Variants in PTCHD4 observed in about 807,000 individuals in gnomAD.
The protein encoded by PTCHD4 is patched domain-containing protein 4.
In PTCHD4, 33 loss-of-function variants were observed where a neutral mutation model predicts 58.1. The ratio of observed to expected loss-of-function variants is 0.57; its 90% CI spans 0.43 to 0.76. PTCHD4 has a LOEUF of 0.76. Ranked by LOEUF, PTCHD4 falls within the 30% of genes least tolerant of loss-of-function variation. The pLI is 0.00. For missense variants in PTCHD4, 1,058 were observed against 1,027.1 expected (o/e 1.03, Z -0.41); for synonymous variants, 478 against 409.6 (o/e 1.17, Z -2.02).
At chr6:48,035,294 C>T (rs1191218088) in intron 3 of PTCHD4, among the ~76,000 whole-genome samples, 2 of 151,998 alleles carry the variant, frequency 1.3e-5, no homozygotes, top group African/African-American at 2.4e-5. Flanking sequence ...AGTTGGGTCA[C>T]TCTGAATTGG....
chr6:48,085,548 T>C (rs931862074), intron 1 of PTCHD4, among the ~76,000 whole-genome samples: 1 of 152,236 alleles, frequency 6.6e-6, no homozygotes. Context: ...TAGCTGACTA[T>C]TGATATACTC....
chr6:47,947,322 C>T (rs1766461697), intron 4 of PTCHD4, among the ~76,000 whole-genome samples: 1 of 152,104 alleles, frequency 6.6e-6, no homozygotes, highest in Non-Finnish European at 1.5e-5. Flanking sequence ...CACATTTACC[C>T]TATCATTAGA....
At chr6:47,939,611 T>C (rs1766133548) in intron 4 of PTCHD4, among the ~76,000 whole-genome samples, 1 of 152,144 alleles carries the variant, frequency 6.6e-6, no homozygotes, top group South Asian at 2.1e-4. Flanking sequence ...TTTCTGTATC[T>C]ATCCTTTGTG....
intron 3 of PTCHD4, among the ~76,000 whole-genome samples, chr6:48,052,745 G>A (rs934760140): frequency 7.2e-5 from 11 of 151,968 alleles, no homozygotes; most frequent in Non-Finnish European, 1.6e-4. Context: ...GGTGATAATG[G>A]GGTACTAAAT....
At chr6:48,049,467 T>C (rs964413488) in intron 3 of PTCHD4, among the ~76,000 whole-genome samples, 5 of 151,976 alleles carry the variant, frequency 3.3e-5, no homozygotes, top group African/African-American at 1.2e-4. Context: ...ATGTGTTTAA[T>C]GAGGATAAAA....
chr6:47,997,331 T>C (rs539204179), intron 4 of PTCHD4, among the ~76,000 whole-genome samples: 6 of 152,310 alleles, frequency 3.9e-5, no homozygotes, highest in Admixed American at 3.3e-4. Flanking sequence ...TTTTCCTTCA[T>C]TACTTGGCTT....
chr6:47,916,700 G>A lies in PTCHD4; in HGVS notation c.899-36764C>T, dbSNP rs187221738. Among the ~76,000 whole-genome samples the A allele has an allele frequency of 4.0e-3, 606 of 151,830 alleles. 2 individuals carry two copies. The highest frequency in any genetic ancestry group is 6.3e-3 in the Non-Finnish European group (428 of 67,898). ...ACATATACTCTAAGGTGTTAGAACC[G>A]GAGGAATATACCATGCTTCCTCCTA... On this transcript the variant is annotated intron_variant, in intron 4 of 4. Transcript: ENST00000339488.
intron 3 of PTCHD4, among the ~76,000 whole-genome samples, chr6:48,055,053 T>C (rs1432482198): frequency 2.0e-5 from 3 of 152,172 alleles, no homozygotes; most frequent in East Asian, 3.9e-4. Context: ...ATTTGATTCA[T>C]AGATTTGTCT....
intron 4 of PTCHD4, among the ~76,000 whole-genome samples, chr6:47,892,673 A>C (rs1393506076): frequency 1.3e-5 from 2 of 152,284 alleles, no homozygotes; most frequent in East Asian, 3.8e-4. Flanking sequence ...CTTACTTTGC[A>C]AACTTAGATT....
At chr6:47,900,971 G>T (rs908295122) in intron 4 of PTCHD4, 3 of 151,568 alleles carry the variant, frequency 2.0e-5, no homozygotes, top group African/African-American at 7.3e-5. Flanking sequence ...TGGCTAACAA[G>T]GTGAAACCCC....
chr6:48,008,148 T>C (rs575001205), intron 4 of PTCHD4, among the ~76,000 whole-genome samples: 1 of 152,192 alleles, frequency 6.6e-6, no homozygotes, highest in Non-Finnish European at 1.5e-5. Context: ...TGGAGTATAC[T>C]CTGTGCAGAA....
At chr6:47,952,963 C>T (rs541059736) in intron 4 of PTCHD4, among the ~76,000 whole-genome samples, 8 of 152,058 alleles carry the variant, frequency 5.3e-5, no homozygotes, top group African/African-American at 1.9e-4. Flanking sequence ...CATATACATA[C>T]ATGCACATAT....
In PTCHD4 at chr6:47,860,695, T is replaced by C. The variant is rs772850542; in HGVS notation, c.*17608A>G. ...TGTTACCTAGCAGGGTCAGGGCTAT[T>C]AGTGGAGCAGAAATTATAAACATTT... On this transcript the variant is annotated 3_prime_UTR_variant, in exon 5 of 5. Transcript: ENST00000339488. Among the ~76,000 whole-genome samples, 2 of 151,946 alleles carry C rather than the reference T, an allele frequency of 1.3e-5. No individual in the cohort carries two copies. Among genetic ancestry groups the C allele is most frequent in the Non-Finnish European group, 2.9e-5 (2 of 67,932 alleles).
At chr6:48,006,157 C>T (rs967680540) in intron 4 of PTCHD4, among the ~76,000 whole-genome samples, 5 of 152,132 alleles carry the variant, frequency 3.3e-5, no homozygotes, top group Non-Finnish European at 7.4e-5. Context: ...TCAGAGGGAC[C>T]ATTAAGCAGT....
chr6:48,068,422 G>A lies in PTCHD4; in HGVS notation c.225C>T (p.His75=). 1 of 1,613,980 alleles carries A rather than the reference G, an allele frequency of 6.2e-7. No homozygotes were observed. Among genetic ancestry groups the A allele is most frequent in the Non-Finnish European group, 8.5e-7 (1 of 1,179,886 alleles). Residue 75 remains histidine (H), a synonymous_variant, in exon 3 of 5, where the codon CAC becomes CAT. Transcript: ENST00000339488. The surrounding 1 kb of genome is among the most constrained non-coding windows in gnomAD (Gnocchi z 4.2). ...GDLERLVAPS[H]SLAKIERSLA... ...GGCTGCGCTCGATCTTGGCCAGGCT[G>A]TGGCTGGGAGCGACCAGGCGCTCCA...
intron 4 of PTCHD4, among the ~76,000 whole-genome samples, chr6:47,884,255 A>G (rs187208543): frequency 6.6e-6 from 1 of 152,166 alleles, no homozygotes; most frequent in Non-Finnish European, 1.5e-5. Context: ...TCCAGATGCC[A>G]ATCAACCATG....
At chr6:47,936,726 C>T (rs2113916207) in intron 4 of PTCHD4, among the ~76,000 whole-genome samples, 1 of 152,180 alleles carries the variant, frequency 6.6e-6, no homozygotes, top group African/African-American at 2.4e-5. Flanking sequence ...CATCAATGAA[C>T]CAAAGATCCC....
At chr6:47,930,199 C>G (rs571205615) in intron 4 of PTCHD4, among the ~76,000 whole-genome samples, 79 of 152,252 alleles carry the variant, frequency 5.2e-4, no homozygotes, top group Non-Finnish European at 8.8e-5. Context: ...GCACAAAGCT[C>G]TCTGAAAGGG....
intron 1 of PTCHD4, among the ~76,000 whole-genome samples, chr6:48,078,015 T>A (rs1482982875): frequency 6.6e-6 from 1 of 152,178 alleles, no homozygotes; most frequent in Non-Finnish European, 1.5e-5. Context: ...CAATGCAGGG[T>A]TCCTACAAAT....
Sources: gnomAD v4.1 joint callset for allele counts (sites outside exome capture counted in the v4.1 genomes callset) on GRCh38, gnomAD v4.1.1 for gene constraint, Gnocchi (gnomAD v3.1) non-coding constraint, MANE v1.5 for transcripts, NCBI Gene and HGNC (gene_info 2026-07-23, HGNC 2026-07-21) for gene names.